Variants in FERMT2 observed in about 807,000 individuals in gnomAD.
FERMT2 encodes fermitin family homolog 2.
A neutral mutation model predicts 82.7 loss-of-function variants in FERMT2; 15 were observed. That is an observed-to-expected ratio of 0.18 (90% CI 0.12 to 0.28). FERMT2 has a LOEUF of 0.28. Among genes scored for constraint, FERMT2 ranks in the 10% least tolerant of loss-of-function variants. The probability of loss-of-function intolerance (pLI) is 1.00; values close to 1 mark genes in which losing one functional copy is unlikely to be tolerated. For missense variants in FERMT2, 645 were observed against 809.4 expected, an observed-to-expected ratio of 0.80 and a Z score of 2.46; for synonymous variants, 274 against 271.5, an observed-to-expected ratio of 1.01 and a Z score of -0.09.
At chr14:52,902,624 T>C (rs1887718419) in intron 3 of FERMT2, among the ~76,000 whole-genome samples, 1 of 151,498 alleles carries the variant, frequency 6.6e-6, no homozygotes, top group Admixed American at 6.6e-5. Context: ...ATCCCAGCAC[T>C]TTGGGAGGCC....
chr14:52,933,880 T>C (rs1223480378), intron 2 of FERMT2, among the ~76,000 whole-genome samples: 1 of 152,000 alleles, frequency 6.6e-6, no homozygotes, highest in Non-Finnish European at 1.5e-5. Context: ...TGTTCTGGCC[T>C]AGTTTGTGGA....
intron 4 of FERMT2, among the ~76,000 whole-genome samples, chr14:52,882,030 T>C (rs1468600609): frequency 6.6e-6 from 1 of 152,186 alleles, no homozygotes; most frequent in Non-Finnish European, 1.5e-5. Flanking sequence ...GTTTTTTTTG[T>C]TCAATTTAAA....
At chr14:52,950,116 G>T (rs1284945494) in intron 2 of FERMT2, among the ~76,000 whole-genome samples, 1 of 152,178 alleles carries the variant, frequency 6.6e-6, no homozygotes, top group African/African-American at 2.4e-5. Context: ...GTCAGTAAAT[G>T]TTAAGAATTA....
At chr14:52,895,087 T>C (rs1218439993) in intron 3 of FERMT2, among the ~76,000 whole-genome samples, 2 of 152,068 alleles carry the variant, frequency 1.3e-5, no homozygotes, top group East Asian at 1.9e-4. Context: ...CAAAGAAATA[T>C]GACCAAGCAG....
At chr14:52,884,233 G>C (rs929693369) in intron 4 of FERMT2, among the ~76,000 whole-genome samples, 4 of 152,182 alleles carry the variant, frequency 2.6e-5, no homozygotes, top group African/African-American at 9.7e-5. Flanking sequence ...TCACTTCAGA[G>C]GAGCAAACTG....
At chr14:52,950,696 C>A in intron 1 of FERMT2, 119 bp from the exon 2 acceptor site, 1 of 1,019,616 alleles carries the variant, frequency 9.8e-7, no homozygotes, top group Non-Finnish European at 1.4e-6. Flanking sequence ...GGGCTTTCGG[C>A]AGAAACTCGG....
chr14:52,885,312 CAAAAAAAAAAAA>C (rs1181582996), intron 4 of FERMT2, among the ~76,000 whole-genome samples: 4 of 61,064 alleles, frequency 6.6e-5, no homozygotes, highest in South Asian at 9.0e-4. Flanking sequence ...GACTTAGTCT[CAAAAAAAAAAAA>C]AAAAAAAAAA....
chr14:52,897,891 G>A (rs1002138200), intron 3 of FERMT2, among the ~76,000 whole-genome samples: 1 of 144,078 alleles, frequency 6.9e-6, no homozygotes, highest in Non-Finnish European at 1.5e-5. Context: ...CAGGGGAATC[G>A]CTTGAACCCA....
At chr14:52,896,747 T>C (rs1256245897) in intron 3 of FERMT2, among the ~76,000 whole-genome samples, 3 of 152,114 alleles carry the variant, frequency 2.0e-5, no homozygotes, top group African/African-American at 4.8e-5. Context: ...CCCAGGACTT[T>C]GGGAGGCCAA....
chr14:52,878,438 C>G, intron 7 of FERMT2, 144 bp downstream of exon 7: 1 of 579,728 alleles, frequency 1.7e-6, no homozygotes. Context: ...ATTTGTTTTG[C>G]TTTCCTAAGT....
At chr14:52,903,403 T>C (rs1226093098) in intron 3 of FERMT2, among the ~76,000 whole-genome samples, 1 of 151,928 alleles carries the variant, frequency 6.6e-6, no homozygotes, top group Non-Finnish European at 1.5e-5. Flanking sequence ...GCAGGCATGG[T>C]GGTGCACACC....
intron 3 of FERMT2, among the ~76,000 whole-genome samples, chr14:52,905,188 C>A (rs370650578): frequency 3.2e-3 from 410 of 126,664 alleles, no homozygotes; most frequent in South Asian, 4.1e-3. Context: ...GACTCCATCT[C>A]AAAAAAAAAA....
chr14:52,906,167 T>A (rs1432917750), intron 3 of FERMT2, among the ~76,000 whole-genome samples: 1 of 151,970 alleles, frequency 6.6e-6, no homozygotes, highest in Admixed American at 6.6e-5. Context: ...GATGACAAGG[T>A]GGCTAGAATG....
At chr14:52,903,040 G>A (rs1887772610) in intron 3 of FERMT2, among the ~76,000 whole-genome samples, 1 of 150,306 alleles carries the variant, frequency 6.7e-6, no homozygotes, top group South Asian at 2.1e-4. Context: ...AAATTACCAA[G>A]GAAATAATAT....
chr14:52,904,860 G>A, intron 3 of FERMT2, among the ~76,000 whole-genome samples: 1 of 151,576 alleles, frequency 6.6e-6, no homozygotes, highest in East Asian at 1.9e-4. Flanking sequence ...CAATGACAGT[G>A]ATTCGGCCAA....
At chr14:52,860,907 C>CT (rs1398002732) in intron 12 of FERMT2, 2 of 806,620 alleles carry the variant, frequency 2.5e-6, no homozygotes, top group Non-Finnish European at 2.0e-6. Context: ...ATAATCATTT[C>CT]TATTTTAAAT....
intron 10 of FERMT2, among the ~76,000 whole-genome samples, chr14:52,865,691 T>A (rs1014507967): frequency 2.6e-5 from 4 of 152,178 alleles, no homozygotes; most frequent in Non-Finnish European, 5.9e-5. Context: ...AAGAAAATTT[T>A]AAATTGTTAG....
At chr14:52,872,959 G>C (rs750540329) in intron 9 of FERMT2, 36 bp from the exon 10 acceptor site, 2 of 1,601,742 alleles carry the variant, frequency 1.2e-6, no homozygotes, top group South Asian at 1.1e-5. Context: ...AAAATCACTT[G>C]GAAGTAACTT....
intron 7 of FERMT2, 47 bp from the exon 8 acceptor site, chr14:52,875,404 C>A: frequency 2.2e-6 from 3 of 1,393,764 alleles, no homozygotes; most frequent in East Asian, 2.4e-5. Flanking sequence ...AACTGTAAAA[C>A]TCTAAAATGA....
Sources: allele counts gnomAD v4.1 joint callset (sites outside exome capture counted in the v4.1 genomes callset), GRCh38; gene constraint gnomAD v4.1.1; transcripts MANE v1.5; gene names NCBI Gene and HGNC (gene_info 2026-07-23, HGNC 2026-07-21).